Variants in NTRK1 observed in about 807,000 individuals in gnomAD.
NTRK1 encodes neurotrophic receptor tyrosine kinase 1.
In NTRK1, 62 loss-of-function variants were observed where a neutral mutation model predicts 86.8. That is an observed-to-expected ratio of 0.71 (90% confidence interval 0.58 to 0.88). The LOEUF (loss-of-function observed/expected upper bound fraction) is 0.88, where lower values mean the gene tolerates loss of function less well. NTRK1 is among the 40% of genes least tolerant of loss of function. NTRK1 has a pLI of 0.00. For synonymous variants in NTRK1, 469 were observed against 456.6 expected, an observed-to-expected ratio of 1.03 and a Z score of -0.35; for missense variants, 967 against 1,078.4, an observed-to-expected ratio of 0.90 and a Z score of 1.45.
intron 2 of NTRK1, chr1:156,853,887 C>T (rs752601283): frequency 1.2e-5 from 20 of 1,614,068 alleles, no homozygotes; most frequent in African/African-American, 4.0e-5. Flanking sequence ...TTGTTGCCCA[C>T]GATGTGGTTG....
intron 2 of NTRK1, chr1:156,851,664 G>A (rs1283819823): frequency 6.2e-7 from 1 of 1,614,200 alleles, no homozygotes; most frequent in South Asian, 1.1e-5. Flanking sequence ...CGAAGGTTGA[G>A]GATGAGGCTT....
chr1:156,874,985 G>T lies in NTRK1; in HGVS notation c.1331G>T (p.Arg444Leu), dbSNP rs56320207. The T allele has an allele frequency of 6.2e-7, 1 of 1,613,758 alleles. No homozygotes were observed. The highest frequency in any genetic ancestry group is 1.6e-4 in the Middle Eastern group (1 of 6,062). ...CTCCTTGTGCTCAACAAATGTGGAC[G>T]GAGAAACAAGTTTGGGATCAACCGT... ...TLLLVLNKCG[R>L]RNKFGINRPA... is the part of the protein sequence containing the mutation. Residue 444 changes from arginine to leucine, a missense_variant, in exon 11 of 17, where the codon CGG becomes CTG. Physicochemically the swap from Arg to Leu is moderately radical, Grantham distance 102. Around this residue, in one of 2 missense-constraint regions of NTRK1, gnomAD observed 637 missense variants for 776.5 expected, o/e 0.82. Coordinates refer to ENST00000524377, the MANE Select transcript of NTRK1 (RefSeq NM_002529.4).
At chr1:156,873,072 TGG>T (rs1289057588) in intron 7 of NTRK1, among the ~76,000 whole-genome samples, 1 of 131,352 alleles carries the variant, frequency 7.6e-6, no homozygotes, top group Non-Finnish European at 1.6e-5. Context: ...TTTGAAGAGA[TGG>T]GGTCTCAGCC....
At chr1:156,844,219 C>A in intron 2 of NTRK1, 1 of 1,613,960 alleles carries the variant, frequency 6.2e-7, no homozygotes, top group Non-Finnish European at 8.5e-7. Context: ...GAACGATGAG[C>A]AGCGTGAGCC....
chr1:156,836,515 C>T (rs978947111), intron 1 of NTRK1, among the ~76,000 whole-genome samples: 1 of 152,140 alleles, frequency 6.6e-6, no homozygotes, highest in Non-Finnish European at 1.5e-5. Flanking sequence ...GGGAGAGAGG[C>T]AAGAAGGAAT....
In NTRK1 at chr1:156,876,483, C is replaced by A. The variant is rs759767777; in HGVS notation, c.1716C>A (p.Ile572=). ...TCACCATGCTGCAGCACCAGCACAT[C>A]GTGCGCTTCTTCGGCGTCTGCACCG... is the stretch of plus-strand genomic sequence containing the variant. ...ELLTMLQHQH[I]VRFFGVCTEG... is the part of the protein sequence containing the mutation. Residue 572 remains isoleucine (I), a synonymous_variant, in exon 14 of 17, where the codon ATC becomes ATA. Coordinates refer to ENST00000524377, the MANE Select transcript of NTRK1 (RefSeq NM_002529.4). 6.2e-7 allele frequency: 1 copy of A among 1,613,852 alleles called. No individual in the cohort carries two copies. Among genetic ancestry groups the A allele is most frequent in the Non-Finnish European group, 8.5e-7 (1 of 1,180,018 alleles).
upstream of NTRK1, chr1:156,860,844 C>T (rs1655602926): frequency 5.1e-6 from 7 of 1,361,358 alleles, no homozygotes; most frequent in Non-Finnish European, 6.6e-6. Flanking sequence ...GTCTTTAACA[C>T]CGCCCAGCGC....
intron 9 of NTRK1, 39 bp from the exon 10 acceptor site, chr1:156,874,532 T>G (rs769702952): frequency 1.4e-5 from 23 of 1,611,936 alleles, no homozygotes; most frequent in Non-Finnish European, 2.0e-5. Context: ...GGCTACAGTG[T>G]GTGTCAAGGC....
In NTRK1 at chr1:156,873,626, C is replaced by G. The variant is rs761080232; in HGVS notation, c.851-7C>G. On this transcript the variant is annotated splice_polypyrimidine_tract_variant and splice_region_variant and intron_variant, in intron 7 of 16. Coordinates refer to ENST00000524377, the MANE Select transcript of NTRK1 (RefSeq NM_002529.4). ...GACCTCCTGCTGTTGCTCTTTCTGG[C>G]CCACAGTCCCGGCCAGTGTGCAGCT... 1.2e-6 allele frequency: 2 copies of G among 1,609,804 alleles called. No individual in the cohort carries two copies. Among genetic ancestry groups the G allele is most frequent in the Admixed American group, 3.3e-5 (2 of 59,950 alleles).
intron 1 of NTRK1, among the ~76,000 whole-genome samples, chr1:156,834,600 T>C (rs1654550233): frequency 6.6e-6 from 1 of 152,122 alleles, no homozygotes; most frequent in Non-Finnish European, 1.5e-5. Flanking sequence ...GATGCTGCCC[T>C]CTCTAAAGTA....
chr1:156,838,373 G>GGT lies in NTRK1; in HGVS notation c.-63-3707_-63-3706insTG, dbSNP rs1160308985. 2.4e-3 allele frequency among the ~76,000 whole-genome samples: 336 copies of GGT among 137,850 alleles called. 4 individuals are homozygous for GGT. Among genetic ancestry groups the GGT allele is most frequent in the East Asian group, 4.6e-3 (23 of 5,042 alleles). 90.4% of individuals were successfully genotyped at this position (137,850 alleles called of 152,430 possible). A position where few individuals can be genotyped will look rare whatever the true frequency, so the allele number is the denominator to read the frequency against. On this transcript the variant is annotated intron_variant, in intron 1 of 16. Transcript: ENST00000392302. Reference sequence around the variant, plus strand: ...ACCTGTCTTCTCCCAGCCAGCTACAGGCTTTTTTTTTTTTCTGGAGTTCTG... The same window carrying GGT: ...ACCTGTCTTCTCCCAGCCAGCTACAGGTGCTTTTTTTTTTTTCTGGAGTTCTG...
At chr1:156,867,794 C>T (rs1647252110) in intron 4 of NTRK1, among the ~76,000 whole-genome samples, 1 of 152,154 alleles carries the variant, frequency 6.6e-6, no homozygotes, top group South Asian at 2.1e-4. Context: ...CTGCCTCAGC[C>T]TCCTGAGTAG....
At chr1:156,838,861 G>T (rs1368462822) in intron 1 of NTRK1, among the ~76,000 whole-genome samples, 3 of 152,238 alleles carry the variant, frequency 2.0e-5, no homozygotes, top group African/African-American at 7.2e-5. Context: ...GTGGGGAGAG[G>T]GGTTGACCCC....
chr1:156,832,733 G>A (rs1471877870), intron 1 of NTRK1, among the ~76,000 whole-genome samples: 1 of 152,200 alleles, frequency 6.6e-6, no homozygotes, highest in East Asian at 1.9e-4. Context: ...GCCATTGAAG[G>A]ATTTTCAGCA....
At chr1:156,851,854 C>T in intron 2 of NTRK1, 1 of 1,574,930 alleles carries the variant, frequency 6.3e-7, no homozygotes, top group Non-Finnish European at 8.6e-7. Flanking sequence ...CTCCTCACTG[C>T]TCCCAGGGTG....
At chr1:156,841,905 C>A (rs955767102) in intron 1 of NTRK1, 1 of 1,591,204 alleles carries the variant, frequency 6.3e-7, no homozygotes, top group African/African-American at 1.3e-5. Flanking sequence ...TCACCAAGAA[C>A]CCTGGAAAGT....
In NTRK1 at chr1:156,860,989, C is replaced by T. The variant is rs2102879055; in HGVS notation, c.55C>T (p.Pro19Ser). Reference protein sequence around the residue: ...QLGWHSWAAGPGSLLAWLILA... With the variant: ...QLGWHSWAAGSGSLLAWLILA... The stretch of plus-strand genomic sequence containing the variant: ...TGGCTGGCACAGCTGGGCTGCGGGG[C>T]CGGGCAGCCTGCTGGCTTGGCTGAT... Residue 19 changes from proline to serine, a missense_variant, in exon 1 of 17, where the codon CCG becomes TCG. Around this residue, in one of 2 missense-constraint regions of NTRK1, gnomAD observed 330 missense variants for 302.0 expected, o/e 1.09. Transcript: ENST00000524377. 6.5e-7 allele frequency: 1 copy of T among 1,527,814 alleles called. No homozygotes were observed. The highest frequency in any genetic ancestry group is 8.7e-7 in the Non-Finnish European group (1 of 1,144,370). The allele number at this position is 1,527,814 out of a possible 1,614,324, so 94.6% of individuals were successfully genotyped here.
intron 1 of NTRK1, among the ~76,000 whole-genome samples, chr1:156,821,453 CTG>C (rs59579534): frequency 0.1 from 13,986 of 137,558 alleles, 721 homozygotes; most frequent in African/African-American, 0.17. Context: ...CTAATTTAGC[CTG>C]TGTGTGTGTG....
chr1:156,870,392 T>A (rs908545192), intron 6 of NTRK1, among the ~76,000 whole-genome samples: 1 of 151,812 alleles, frequency 6.6e-6, no homozygotes, highest in Admixed American at 6.6e-5. Flanking sequence ...TTAAAAAAAA[T>A]TGCACCCTAA....
Sources: allele counts gnomAD v4.1 joint callset (sites outside exome capture counted in the v4.1 genomes callset), GRCh38; gene constraint gnomAD v4.1.1; regional missense constraint gnomAD v4.1.1; transcripts MANE v1.5; gene names NCBI Gene and HGNC (gene_info 2026-07-23, HGNC 2026-07-21).